Variants in SLIT1 observed in about 807,000 individuals in gnomAD.
The protein encoded by SLIT1 is slit homolog 1 protein.
In SLIT1, 66 loss-of-function variants were observed where a neutral mutation model predicts 186.1. The ratio of observed to expected loss-of-function variants is 0.35; its 90% CI spans 0.29 to 0.44. The LOEUF is 0.44. SLIT1 is among the 20% of genes least tolerant of loss of function. SLIT1 has a pLI of 1.00. For missense variants in SLIT1, 1,638 were observed against 2,037.4 expected (o/e 0.80, Z 3.77); for synonymous variants, 761 against 833.8 (o/e 0.91, Z 1.50).
Position 97,068,848 on chromosome 10 carries a change from T to A in SLIT1, c.414-2762A>T, listed in dbSNP as rs192809275. ...AGGCTACTCCCCAGAGGGCCCCCAG[T>A]GGCCTACTCCCCGATGCCTGTCTTT... On this transcript the variant is annotated intron_variant, in intron 4 of 36. Coordinates refer to ENST00000266058, the MANE Select transcript of SLIT1 (RefSeq NM_003061.3). This position sits in a 1 kb window ranked among gnomAD's most constrained non-coding sequence, Gnocchi z 4.2. 2.6e-5 allele frequency among the ~76,000 whole-genome samples: 4 copies of A among 152,294 alleles called. No homozygotes were observed. The highest frequency in any genetic ancestry group is 4.8e-5 in the African/African-American group (2 of 41,560).
intron 28 of SLIT1, among the ~76,000 whole-genome samples, chr10:97,015,265 AATGGGCAGTTAGGAATCCTG>A (rs1419962273): frequency 1.3e-5 from 2 of 152,220 alleles, no homozygotes; most frequent in African/African-American, 4.8e-5. Context: ...GTGCCAAATA[AATGGGCAGTTAGGAATCCTG>A]ATGTTTAGAA....
chr10:97,070,736 G>A (rs1364102731), intron 4 of SLIT1, among the ~76,000 whole-genome samples: 3 of 152,198 alleles, frequency 2.0e-5, no homozygotes, highest in African/African-American at 7.2e-5. Context: ...CGCCAAATCT[G>A]CCAATACCTT....
At chr10:97,070,161 A>G (rs190368119) in intron 4 of SLIT1, among the ~76,000 whole-genome samples, 3 of 152,330 alleles carry the variant, frequency 2.0e-5, no homozygotes, top group African/African-American at 4.8e-5. Context: ...TTGTGATGCA[A>G]TCTCATGAAA....
At chr10:97,003,327 G>A (rs1003210753) in intron 34 of SLIT1, among the ~76,000 whole-genome samples, 3 of 152,224 alleles carry the variant, frequency 2.0e-5, no homozygotes, top group African/African-American at 7.2e-5. Context: ...TTACCTCCCA[G>A]AGACCCCAGC....
chr10:97,089,729 G>T (rs897039151), intron 4 of SLIT1, among the ~76,000 whole-genome samples: 1 of 152,074 alleles, frequency 6.6e-6, no homozygotes, highest in Non-Finnish European at 1.5e-5. Context: ...CAGCAGGGAC[G>T]GCCTGTCATC....
intron 13 of SLIT1, among the ~76,000 whole-genome samples, chr10:97,052,286 G>A (rs2817670): frequency 0.94 from 143,468 of 151,998 alleles, 68,268 homozygotes; most frequent in East Asian, 1. Context: ...TTGTGTAGAG[G>A]TGGGGATCTC....
rs1179888328 is a variant in SLIT1, at chr10:97,119,941, A to ATATATATATATG, written c.413+37876_413+37877insCATATATATATA. Among the ~76,000 whole-genome samples, 10 of 137,230 alleles carry ATATATATATATG rather than the reference A, an allele frequency of 7.3e-5. 1 individual carries two copies. The highest frequency in any genetic ancestry group is 2.2e-4 in the Admixed American group (3 of 13,772). The allele number at this position is 137,230 out of a possible 152,430, so 90.0% of individuals were successfully genotyped here. ...TATATATATATATATATATATATAT[A>ATATATATATATG]TATATGTATATGTATATAGATTCAA... On this transcript the variant is annotated intron_variant, in intron 4 of 36. Coordinates refer to ENST00000266058, the MANE Select transcript of SLIT1 (RefSeq NM_003061.3).
chr10:97,000,472 T>A lies in SLIT1; in HGVS notation c.*640A>T, dbSNP rs1213190814. On this transcript the variant is annotated 3_prime_UTR_variant, in exon 37 of 37. Coordinates refer to ENST00000266058, the MANE Select transcript of SLIT1 (RefSeq NM_003061.3). ...CAGAGGCCTGGTCCTAAGAACCACC[T>A]CCACCCACAGCCTCGTTCCCAAGCC... is the stretch of plus-strand genomic sequence containing the variant. The A allele has an allele frequency of 6.6e-6, 1 of 152,424 alleles. No individual in the cohort carries two copies. The highest frequency in any genetic ancestry group is 1.9e-4 in the East Asian group (1 of 5,192). 9.4% of individuals were successfully genotyped at this position (152,424 alleles called of 1,614,324 possible). A position where few individuals can be genotyped will look rare whatever the true frequency, so the allele number is the denominator to read the frequency against.
rs1456759062 is a variant in SLIT1, at chr10:97,031,676, T to C, written c.2440A>G (p.Ile814Val). Residue 814 changes from isoleucine to valine, a missense_variant and splice_region_variant, in exon 24 of 37, where the codon ATC becomes GTC. Physicochemically the swap from Ile to Val is conservative, Grantham distance 29. Transcript: ENST00000266058. Reference sequence around the variant, plus strand: ...CACTGCAGGGCATTGTAGCTGAGGATCCTGCGGAGGAAGGAGATGGAGGAA... The same window carrying C: ...CACTGCAGGGCATTGTAGCTGAGGACCCTGCGGAGGAAGGAGATGGAGGAA... ...FTNMSQLTTL[I>V]LSYNALQCIP... 1 of 1,550,808 alleles carries C rather than the reference T, an allele frequency of 6.4e-7. No individual in the cohort carries two copies. The highest frequency in any genetic ancestry group is 2.0e-5 in the Admixed American group (1 of 50,970).
In SLIT1 at chr10:97,148,423, G is replaced by A. The variant is rs148836303; in HGVS notation, c.413+9395C>T. Reference sequence around the variant, plus strand: ...CACACCTCAGCCTCCTGAGTAGCTGGGACTACAGGTGCACATCACCATGCC... The same window carrying A: ...CACACCTCAGCCTCCTGAGTAGCTGAGACTACAGGTGCACATCACCATGCC... On this transcript the variant is annotated intron_variant, in intron 4 of 36. Transcript: ENST00000266058. Among the ~76,000 whole-genome samples the A allele has an allele frequency of 3.8e-3, 576 of 151,552 alleles. 1 individual carries two copies. The highest frequency in any genetic ancestry group is 4.8e-3 in the Non-Finnish European group (325 of 67,906).
At chr10:97,151,281 T>A (rs138943937) in intron 4 of SLIT1, among the ~76,000 whole-genome samples, 1,875 of 134,960 alleles carry the variant, frequency 0.014, 25 homozygotes, top group Non-Finnish European at 0.023. Flanking sequence ...AATACAGGGG[T>A]GGAGGAAGGT....
chr10:97,073,066 C>A (rs1052654892), intron 4 of SLIT1, among the ~76,000 whole-genome samples: 1 of 152,222 alleles, frequency 6.6e-6, no homozygotes, highest in Admixed American at 6.5e-5. Flanking sequence ...GACCTGGATG[C>A]CTCAACCACA....
At chr10:97,078,101 T>G (rs902396504) in intron 4 of SLIT1, among the ~76,000 whole-genome samples, 5 of 152,082 alleles carry the variant, frequency 3.3e-5, no homozygotes, top group African/African-American at 7.2e-5. Flanking sequence ...AGTGAGACCC[T>G]ATCTCAAAAA....
chr10:97,054,247 G>C (rs1029240768), intron 13 of SLIT1, among the ~76,000 whole-genome samples: 1 of 151,740 alleles, frequency 6.6e-6, no homozygotes, highest in Non-Finnish European at 1.5e-5. Context: ...TTATTTAAAA[G>C]AGCATGGCAC....
At chr10:97,156,423 A>T (rs1043859974) in intron 4 of SLIT1, among the ~76,000 whole-genome samples, 2 of 152,240 alleles carry the variant, frequency 1.3e-5, no homozygotes, top group South Asian at 2.1e-4. Flanking sequence ...ACAAAAAATT[A>T]AAAAATTAGC....
chr10:97,118,238 A>G (rs1381942628), intron 4 of SLIT1, among the ~76,000 whole-genome samples: 1 of 152,186 alleles, frequency 6.6e-6, no homozygotes, highest in Non-Finnish European at 1.5e-5. Context: ...TTGAGACTCA[A>G]AAAGGTGACA....
intron 4 of SLIT1, among the ~76,000 whole-genome samples, chr10:97,104,773 G>A (rs749014009): frequency 3.6e-4 from 54 of 152,032 alleles, no homozygotes; most frequent in Non-Finnish European, 3.1e-4. Context: ...CCTACCCAAC[G>A]TCACAACCCA....
chr10:97,150,230 G>A (rs1180492791), intron 4 of SLIT1, among the ~76,000 whole-genome samples: 1 of 152,198 alleles, frequency 6.6e-6, no homozygotes, highest in East Asian at 1.9e-4. Context: ...TCTGCTGCCT[G>A]GCATGGATGC....
At chr10:97,081,037 G>GC (rs1233920830) in intron 4 of SLIT1, among the ~76,000 whole-genome samples, 4 of 152,178 alleles carry the variant, frequency 2.6e-5, no homozygotes, top group Non-Finnish European at 5.9e-5. Flanking sequence ...CACAGTCTAC[G>GC]CAACAGGCAG....
Sources: gnomAD v4.1 joint callset for allele counts (sites outside exome capture counted in the v4.1 genomes callset) on GRCh38, gnomAD v4.1.1 for gene constraint, Gnocchi (gnomAD v3.1) non-coding constraint, MANE v1.5 for transcripts, NCBI Gene and HGNC (gene_info 2026-07-23, HGNC 2026-07-21) for gene names.